Variants in ANO6 observed in about 807,000 individuals in gnomAD.
ANO6 encodes the protein anoctamin 6.
A neutral mutation model predicts 117.5 loss-of-function variants in ANO6; 106 were observed. The ratio of observed to expected loss-of-function variants is 0.90; its 90% CI spans 0.77 to 1.06. The LOEUF is 1.06. ANO6 is among the 50% of genes least tolerant of loss of function. The probability of loss-of-function intolerance (pLI) is 0.00; values close to 1 mark genes in which losing one functional copy is unlikely to be tolerated. For synonymous variants in ANO6, 367 were observed against 385.1 expected (o/e 0.95, Z 0.55); for missense variants, 955 against 1,121.1 (o/e 0.85, Z 2.12).
chr12:45,325,797 T>G (rs886385146), intron 2 of ANO6, among the ~76,000 whole-genome samples: 1 of 152,284 alleles, frequency 6.6e-6, no homozygotes, highest in Admixed American at 6.5e-5. Flanking sequence ...ATATATATAT[T>G]TAGTCATGCT....
At chr12:45,323,935 AT>A (rs761870704) in intron 2 of ANO6, among the ~76,000 whole-genome samples, 6,607 of 108,196 alleles carry the variant, frequency 0.061, 161 homozygotes, top group African/African-American at 0.15. Context: ...TTGTTGTTGT[AT>A]TTTTTTTTTT....
At chr12:45,371,800 A>G (rs1359693840) in intron 9 of ANO6, among the ~76,000 whole-genome samples, 30 of 151,440 alleles carry the variant, frequency 2.0e-4, no homozygotes, top group African/African-American at 6.5e-4. Context: ...AAAAAGCAGA[A>G]CGCCTCTCCT....
In ANO6 at chr12:45,375,194, G is replaced by A. The variant is rs552514186; in HGVS notation, c.1105-2859G>A. On this transcript the variant is annotated intron_variant, in intron 9 of 19. Transcript: ENST00000320560. ...GAAGAACTACAAACCACTGCTCAAG[G>A]AAATAAAAGAGGATACAAACAAATG... Among the ~76,000 whole-genome samples, 100 of 152,188 alleles carry A rather than the reference G, an allele frequency of 6.6e-4. 1 individual carries two copies. The highest frequency in any genetic ancestry group is 1.0e-3 in the Non-Finnish European group (68 of 68,010).
rs564255581 is a variant in ANO6 at position 45,275,263 on chromosome 12, T to G, written c.71-26751T>G. On this transcript the variant is annotated intron_variant, in intron 1 of 19. Coordinates refer to ENST00000320560, the MANE Select transcript of ANO6 (RefSeq NM_001025356.3). Reference sequence around the variant, plus strand: ...TCTTGCTCTGTCGCCCAGGCTGGAGTGCAGTAGCGCCATCTCGGCTCACTG... The same window carrying G: ...TCTTGCTCTGTCGCCCAGGCTGGAGGGCAGTAGCGCCATCTCGGCTCACTG... 1.1e-4 allele frequency among the ~76,000 whole-genome samples: 16 copies of G among 152,286 alleles called. No homozygotes were observed. In the East Asian group the frequency reaches 2.1e-3, roughly 20 times the overall value.
At chr12:45,231,519 A>C (rs1001204552) in intron 1 of ANO6, among the ~76,000 whole-genome samples, 1 of 152,170 alleles carries the variant, frequency 6.6e-6, no homozygotes, top group Non-Finnish European at 1.5e-5. Flanking sequence ...TCCCCAAATG[A>C]AGTAGAGTTT....
chr12:45,295,545 T>C (rs1171105154), intron 1 of ANO6, among the ~76,000 whole-genome samples: 2 of 152,076 alleles, frequency 1.3e-5, no homozygotes, highest in Non-Finnish European at 2.9e-5. Flanking sequence ...TACTCTCTTT[T>C]TTATTTGTTT....
intron 8 of ANO6, among the ~76,000 whole-genome samples, chr12:45,366,058 C>G (rs1941676034): frequency 6.6e-6 from 1 of 151,200 alleles, no homozygotes; most frequent in Admixed American, 6.6e-5. Flanking sequence ...TAGTTACATA[C>G]AAGCCTAGCC....
intron 1 of ANO6, among the ~76,000 whole-genome samples, chr12:45,257,104 T>C (rs951363006): frequency 6.6e-6 from 1 of 152,126 alleles, no homozygotes; most frequent in African/African-American, 2.4e-5. Context: ...CAGGATTGGG[T>C]TATTATAACT....
At chr12:45,267,034 C>T (rs1938241478) in intron 1 of ANO6, among the ~76,000 whole-genome samples, 1 of 152,060 alleles carries the variant, frequency 6.6e-6, no homozygotes. Context: ...GTTGAAGACT[C>T]TTGTGGGTGA....
chr12:45,307,053 A>G (rs1260368691), intron 2 of ANO6, among the ~76,000 whole-genome samples: 1 of 152,096 alleles, frequency 6.6e-6, no homozygotes, highest in African/African-American at 2.4e-5. Flanking sequence ...GTAGAATGAA[A>G]GATCGAGAGA....
At chr12:45,337,110 G>T (rs1940848583) in intron 3 of ANO6, among the ~76,000 whole-genome samples, 1 of 152,068 alleles carries the variant, frequency 6.6e-6, no homozygotes, top group Non-Finnish European at 1.5e-5. Flanking sequence ...GAGTGTGTTT[G>T]TGTTTTAAGC....
At chr12:45,216,788 G>A (rs1261364382) in intron 1 of ANO6, among the ~76,000 whole-genome samples, 3 of 152,238 alleles carry the variant, frequency 2.0e-5, no homozygotes, top group Non-Finnish European at 2.9e-5. Flanking sequence ...GCGGGGTCCG[G>A]GGAGCAGGCC....
chr12:45,332,932 A>G (rs1055332304), intron 3 of ANO6, among the ~76,000 whole-genome samples: 5 of 152,016 alleles, frequency 3.3e-5, no homozygotes, highest in Non-Finnish European at 5.9e-5. Flanking sequence ...CTGGGTAGCT[A>G]TGTGACTTAG....
chr12:45,280,874 A>ATATG (rs1288887402), intron 1 of ANO6, among the ~76,000 whole-genome samples: 4 of 79,964 alleles, frequency 5.0e-5, no homozygotes, highest in African/African-American at 1.2e-4. Context: ...GTTTTTATAT[A>ATATG]TATATAGAGA....
intron 1 of ANO6, among the ~76,000 whole-genome samples, chr12:45,237,682 G>C (rs1196250236): frequency 2.6e-5 from 4 of 152,144 alleles, no homozygotes; most frequent in Non-Finnish European, 5.9e-5. Flanking sequence ...TGTTCTTTTG[G>C]CTTAGGATTG....
chr12:45,428,577 ATCCAAAAGAAAGACAGCAATT>A (rs1943560410), intron 19 of ANO6, among the ~76,000 whole-genome samples: 1 of 152,200 alleles, frequency 6.6e-6, no homozygotes, highest in Non-Finnish European at 1.5e-5. Flanking sequence ...TGAGAACCTG[ATCCAAAAGAAAGACAGCAATT>A]TCCAAAAGAC....
At chr12:45,246,824 G>A (rs868288673) in intron 1 of ANO6, among the ~76,000 whole-genome samples, 1 of 151,030 alleles carries the variant, frequency 6.6e-6, no homozygotes, top group Admixed American at 6.6e-5. Context: ...GAGCGCAGTG[G>A]CGCTGTCTCG....
chr12:45,351,395 GT>G (rs1287102427), intron 7 of ANO6, among the ~76,000 whole-genome samples: 1 of 152,144 alleles, frequency 6.6e-6, no homozygotes, highest in Middle Eastern at 3.2e-3. Flanking sequence ...TCTTCCCAAG[GT>G]ACCCTGTTGG....
intron 19 of ANO6, among the ~76,000 whole-genome samples, chr12:45,426,857 C>G (rs1361730720): frequency 6.6e-6 from 1 of 151,874 alleles, no homozygotes; most frequent in Non-Finnish European, 1.5e-5. Context: ...CATCTGTATG[C>G]TAAAAGGACC....
Sources: gnomAD v4.1 joint callset for allele counts (sites outside exome capture counted in the v4.1 genomes callset) on GRCh38, gnomAD v4.1.1 for gene constraint, MANE v1.5 for transcripts, NCBI Gene and HGNC (gene_info 2026-07-23, HGNC 2026-07-21) for gene names.